Variants in CDH13 observed in about 807,000 individuals in gnomAD.
The protein encoded by CDH13 is cadherin 13, also known as cadherin-13.
Under a neutral mutation model 63.8 loss-of-function variants are expected in CDH13, and 24 were observed. The observed-to-expected ratio is 0.38, with a 90% CI of 0.27 to 0.53. CDH13 has a LOEUF of 0.53. CDH13 is among the 20% of genes least tolerant of loss of function. The probability of loss-of-function intolerance (pLI) is 0.85; values close to 1 mark genes in which losing one functional copy is unlikely to be tolerated. For synonymous variants in CDH13, 503 were observed against 355.3 expected (o/e 1.42, Z -4.67); for missense variants, 1,049 against 903.1 (o/e 1.16, Z -2.07).
chr16:82,936,979 C>T (rs1202472314), intron 2 of CDH13, among the ~76,000 whole-genome samples: 2 of 152,148 alleles, frequency 1.3e-5, no homozygotes, highest in Admixed American at 1.3e-4. Flanking sequence ...GGGCTGTGAC[C>T]TCAGCACGAC....
At chr16:82,929,678 A>AAAG (rs1567670483) in intron 2 of CDH13, among the ~76,000 whole-genome samples, 17 of 145,616 alleles carry the variant, frequency 1.2e-4, no homozygotes, top group Non-Finnish European at 2.1e-4. Context: ...AAAAAAAAAA[A>AAAG]AAAAAGAAGA....
chr16:82,919,512 C>T (rs769301720), intron 2 of CDH13, among the ~76,000 whole-genome samples: 1 of 152,178 alleles, frequency 6.6e-6, no homozygotes, highest in Admixed American at 6.5e-5. Flanking sequence ...CCTCCAGCTC[C>T]ATCTGTGTTC....
intron 7 of CDH13, among the ~76,000 whole-genome samples, chr16:83,498,447 C>A (rs1233525117): frequency 6.6e-6 from 1 of 152,124 alleles, no homozygotes; most frequent in African/African-American, 2.4e-5. Context: ...CTCTCATTGC[C>A]CTTTCTGTCA....
chr16:82,659,192 G>A (rs1911645179), intron 1 of CDH13, among the ~76,000 whole-genome samples: 1 of 152,186 alleles, frequency 6.6e-6, no homozygotes, highest in African/African-American at 2.4e-5. Flanking sequence ...GAATCCGGAT[G>A]GCAGAACTTC....
chr16:82,887,388 A>G (rs1420154208), intron 2 of CDH13, among the ~76,000 whole-genome samples: 1 of 152,224 alleles, frequency 6.6e-6, no homozygotes, highest in Non-Finnish European at 1.5e-5. Flanking sequence ...TTAATGAGAA[A>G]GAGTCTTCAA....
At chr16:83,116,420 G>T (rs982355335) in intron 3 of CDH13, among the ~76,000 whole-genome samples, 4 of 152,200 alleles carry the variant, frequency 2.6e-5, no homozygotes, top group African/African-American at 9.6e-5. Context: ...TGTCCCCTGA[G>T]CATGGTCCCA....
intron 5 of CDH13, among the ~76,000 whole-genome samples, chr16:83,260,063 ATAGT>A (rs1401796379): frequency 1.7e-5 from 1 of 57,374 alleles, no homozygotes; most frequent in African/African-American, 6.9e-5. Flanking sequence ...ACAGTATATA[ATAGT>A]TTTTTTTTTT....
intron 5 of CDH13, among the ~76,000 whole-genome samples, chr16:83,291,117 T>G (rs947201481): frequency 3.3e-5 from 5 of 152,338 alleles, no homozygotes; most frequent in African/African-American, 9.6e-5. Context: ...GCTACCAACC[T>G]GATCTCATTC....
At chr16:83,048,435 A>G (rs1179053907) in intron 3 of CDH13, among the ~76,000 whole-genome samples, 1 of 152,198 alleles carries the variant, frequency 6.6e-6, no homozygotes, top group Admixed American at 6.5e-5. Context: ...CCCTCTCTGC[A>G]GGTTCCTGCC....
At chr16:83,751,386 G>C (rs1913069996) in intron 11 of CDH13, among the ~76,000 whole-genome samples, 1 of 152,048 alleles carries the variant, frequency 6.6e-6, no homozygotes, top group African/African-American at 2.4e-5. Context: ...CTTGAGGTCA[G>C]GAGTTCAAGA....
intron 1 of CDH13, among the ~76,000 whole-genome samples, chr16:82,759,325 G>C (rs2034740454): frequency 6.6e-6 from 1 of 152,116 alleles, no homozygotes; most frequent in Non-Finnish European, 1.5e-5. Flanking sequence ...CCTTGCCTCA[G>C]GCTTTGCTTT....
At position 83,557,369 on chromosome 16, in the gene CDH13, G is replaced by C. The variant is rs572608681; in HGVS notation, c.961-45085G>C. On this transcript the variant is annotated intron_variant, in intron 7 of 13. Coordinates refer to ENST00000567109, the MANE Select transcript of CDH13 (RefSeq NM_001257.5). ...AGTGCACAATAAATGTAATGGGCTT[G>C]ACTCATCCCAAAACCATCCCCACTC... is the stretch of plus-strand genomic sequence containing the variant. 4.4e-4 allele frequency among the ~76,000 whole-genome samples: 67 copies of C among 152,254 alleles called. No individual in the cohort carries two copies. In the South Asian group the frequency reaches 0.014, roughly 31 times the overall value.
At chr16:83,013,645 G>A (rs1247723580) in intron 2 of CDH13, among the ~76,000 whole-genome samples, 1 of 152,190 alleles carries the variant, frequency 6.6e-6, no homozygotes, top group Non-Finnish European at 1.5e-5. Context: ...TCAGTAACTT[G>A]TCTATTCCTC....
At chr16:83,431,882 C>G (rs569324272) in intron 6 of CDH13, among the ~76,000 whole-genome samples, 1 of 152,270 alleles carries the variant, frequency 6.6e-6, no homozygotes, top group African/African-American at 2.4e-5. Flanking sequence ...GTCACAGATC[C>G]AAACCATATC....
intron 1 of CDH13, among the ~76,000 whole-genome samples, chr16:82,656,344 G>C (rs958298807): frequency 6.6e-6 from 1 of 151,590 alleles, no homozygotes. Flanking sequence ...TGTTAATGAT[G>C]GTGATGAGAT....
intron 1 of CDH13, among the ~76,000 whole-genome samples, chr16:82,815,539 A>C (rs1258141156): frequency 6.6e-6 from 1 of 152,212 alleles, no homozygotes; most frequent in African/African-American, 2.4e-5. Flanking sequence ...CCATGTTCAG[A>C]AACAAGCTGG....
chr16:83,579,333 T>C (rs1311715249), intron 7 of CDH13, among the ~76,000 whole-genome samples: 8 of 152,232 alleles, frequency 5.3e-5, no homozygotes, highest in African/African-American at 1.7e-4. Flanking sequence ...GACTGGGCAA[T>C]ATATAAAGAA....
At chr16:82,743,166 T>C (rs1224365077) in intron 1 of CDH13, among the ~76,000 whole-genome samples, 1 of 152,130 alleles carries the variant, frequency 6.6e-6, no homozygotes, top group Non-Finnish European at 1.5e-5. Context: ...TTTGTCTTTA[T>C]CTTCTGGGCA....
At chr16:83,065,814 G>A (rs923550733) in intron 3 of CDH13, among the ~76,000 whole-genome samples, 3 of 152,128 alleles carry the variant, frequency 2.0e-5, no homozygotes, top group Non-Finnish European at 4.4e-5. Flanking sequence ...CTGTCTTTGG[G>A]TGGTAGATGG....
Sources: allele counts gnomAD v4.1 joint callset (sites outside exome capture counted in the v4.1 genomes callset), GRCh38; gene constraint gnomAD v4.1.1; transcripts MANE v1.5; gene names NCBI Gene and HGNC (gene_info 2026-07-23, HGNC 2026-07-21).